The following CACHD1 variants were observed in gnomAD, a reference collection of about 807,000 sequenced individuals.
CACHD1 encodes the protein cache domain containing 1, also known as VWFA and cache domain-containing protein 1.
A neutral mutation model predicts 138.7 loss-of-function variants in CACHD1; 71 were observed. The ratio of observed to expected loss-of-function variants is 0.51; its 90% CI spans 0.42 to 0.62. The LOEUF is 0.62. CACHD1 is among the 20% of genes least tolerant of loss of function. CACHD1 has a pLI of 0.00. For synonymous variants in CACHD1, 578 were observed against 591.5 expected, an observed-to-expected ratio of 0.98 and a Z score of 0.33; for missense variants, 1,389 against 1,625.3, an observed-to-expected ratio of 0.85 and a Z score of 2.50.
intron 3 of CACHD1, among the ~76,000 whole-genome samples, chr1:64,585,724 G>A (rs1647046425): frequency 6.6e-6 from 1 of 152,206 alleles, no homozygotes; most frequent in Non-Finnish European, 1.5e-5. Flanking sequence ...GAGATCTTTT[G>A]CAACAGGAAG....
chr1:64,682,087 A>C lies in CACHD1; in HGVS notation c.3567A>C (p.Ser1189=). ...GAAGGCGCCGCTACTGGGGTCGATC[A>C]GGAACAGAAAGTGATCATGGTAAGG... ...PERRRRYWGR[S]GTESDHGYST... Residue 1189 remains serine, a synonymous_variant, in exon 26 of 27, where the codon TCA becomes TCC. Transcript: ENST00000651257. The C allele has an allele frequency of 6.2e-7, 1 of 1,614,112 alleles. No homozygotes were observed. Among genetic ancestry groups the C allele is most frequent in the East Asian group, 2.2e-5 (1 of 44,862 alleles).
intron 4 of CACHD1, among the ~76,000 whole-genome samples, chr1:64,610,475 G>A (rs998138224): frequency 6.6e-6 from 1 of 152,194 alleles, no homozygotes; most frequent in Non-Finnish European, 1.5e-5. Flanking sequence ...TTACAAATGG[G>A]AGAAATTGGC....
At chr1:64,643,023 G>A (rs974881574) in intron 8 of CACHD1, among the ~76,000 whole-genome samples, 5 of 103,672 alleles carry the variant, frequency 4.8e-5, no homozygotes, top group African/African-American at 1.1e-4. Context: ...TGGTGACAGA[G>A]CAAGACTCTG....
At chr1:64,601,878 G>A (rs191346278) in intron 3 of CACHD1, among the ~76,000 whole-genome samples, 67 of 152,272 alleles carry the variant, frequency 4.4e-4, no homozygotes, top group African/African-American at 1.4e-3. Flanking sequence ...TAGAAACTTT[G>A]AGAGTCCTCT....
At chr1:64,592,214 TATGC>T (rs1647111991) in intron 3 of CACHD1, among the ~76,000 whole-genome samples, 1 of 152,264 alleles carries the variant, frequency 6.6e-6, no homozygotes, top group South Asian at 2.1e-4. Context: ...AGTTTTGTTA[TATGC>T]ATGATGAATT....
At chr1:64,661,128 A>C (rs888181026) in intron 13 of CACHD1, among the ~76,000 whole-genome samples, 3 of 152,098 alleles carry the variant, frequency 2.0e-5, no homozygotes, top group African/African-American at 7.2e-5. Flanking sequence ...AAATACAATA[A>C]AAAGGGAATA....
At chr1:64,622,903 T>G (rs1176474457) in intron 4 of CACHD1, among the ~76,000 whole-genome samples, 3 of 152,128 alleles carry the variant, frequency 2.0e-5, no homozygotes, top group African/African-American at 4.8e-5. Context: ...CATGTGCAGT[T>G]AGTAGATTTG....
At chr1:64,608,573 A>C (rs1647412270) in intron 4 of CACHD1, among the ~76,000 whole-genome samples, 2 of 152,206 alleles carry the variant, frequency 1.3e-5, no homozygotes, top group African/African-American at 4.8e-5. Flanking sequence ...TCGTGTGTCC[A>C]TTCATCCAAC....
At chr1:64,666,215 T>G (rs1188124349) in intron 16 of CACHD1, 48 bp downstream of exon 16, 4 of 1,292,934 alleles carry the variant, frequency 3.1e-6, no homozygotes, top group Non-Finnish European at 4.4e-6. Flanking sequence ...ATATCAAGGA[T>G]ATTTTGGAAA....
At chr1:64,566,326 T>A (rs1025932120) in intron 2 of CACHD1, among the ~76,000 whole-genome samples, 1 of 152,198 alleles carries the variant, frequency 6.6e-6, no homozygotes, top group Admixed American at 6.5e-5. Context: ...CTGCATGAAT[T>A]AATAATCCTC....
intron 1 of CACHD1, among the ~76,000 whole-genome samples, chr1:64,527,801 C>T (rs951945149): frequency 6.6e-5 from 10 of 152,172 alleles, no homozygotes; most frequent in African/African-American, 2.4e-4. Flanking sequence ...ATTGCCAGTA[C>T]TGTGATCTTA....
At chr1:64,672,353 G>C (rs1649843927) in intron 17 of CACHD1, among the ~76,000 whole-genome samples, 1 of 152,088 alleles carries the variant, frequency 6.6e-6, no homozygotes, top group Non-Finnish European at 1.5e-5. Context: ...TTCATTTATT[G>C]TTTCTATCAA....
chr1:64,640,267 G>A (rs1405715902), intron 7 of CACHD1, among the ~76,000 whole-genome samples: 5 of 152,198 alleles, frequency 3.3e-5, no homozygotes, highest in Admixed American at 1.3e-4. Context: ...GCCTGCCGCA[G>A]TCACTTTAGA....
chr1:64,583,118 G>T (rs76018923), intron 3 of CACHD1, among the ~76,000 whole-genome samples: 4,287 of 152,258 alleles, frequency 0.028, 203 homozygotes, highest in African/African-American at 0.099. Flanking sequence ...TTGCGGCTAG[G>T]CAAAGGATGG....
intron 2 of CACHD1, among the ~76,000 whole-genome samples, chr1:64,576,290 TCTGCAGG>T (rs1646966650): frequency 6.6e-6 from 1 of 152,222 alleles, no homozygotes; most frequent in African/African-American, 2.4e-5. Flanking sequence ...TTTTCTTCTG[TCTGCAGG>T]GATCATGGCA....
intron 1 of CACHD1, among the ~76,000 whole-genome samples, chr1:64,472,675 T>TA (rs1318703082): frequency 6.6e-6 from 1 of 152,192 alleles, no homozygotes; most frequent in South Asian, 2.1e-4. Flanking sequence ...AAACTAGGAT[T>TA]AAAAAAACAG....
intron 4 of CACHD1, among the ~76,000 whole-genome samples, chr1:64,625,827 A>T (rs1451073021): frequency 6.6e-6 from 1 of 152,168 alleles, no homozygotes; most frequent in Admixed American, 6.6e-5. Context: ...CTCTATTCTG[A>T]TTTAAACACC....
At position 64,678,159 on chromosome 1, in the gene CACHD1, G is replaced by A. The variant is rs759190690; in HGVS notation, c.3093G>A (p.Gly1031=). ...AGACTAAGTATTGTTTTTCTGGCAG[G>A]GACTGTTTTGGGGTGCTGGATTGTG... The part of the protein sequence containing the change: ...NSRCSQRLES[G]DCFGVLDCEW... The change falls in exon 23 of 27, where the codon GGG becomes GGA. Residue 1031 remains glycine (G), a splice_region_variant and synonymous_variant. Transcript: ENST00000651257. The A allele has an allele frequency of 6.2e-7, 1 of 1,609,156 alleles. No homozygotes were observed. Among genetic ancestry groups the A allele is most frequent in the South Asian group, 1.1e-5 (1 of 89,812 alleles).
At chr1:64,480,679 T>C (rs961330053) in intron 1 of CACHD1, among the ~76,000 whole-genome samples, 2 of 146,638 alleles carry the variant, frequency 1.4e-5, no homozygotes, top group Non-Finnish European at 3.0e-5. Flanking sequence ...TATTTTTTTA[T>C]TTTTTTTTTT....
Sources: gnomAD v4.1 joint callset for allele counts (sites outside exome capture counted in the v4.1 genomes callset) on GRCh38, gnomAD v4.1.1 for gene constraint, MANE v1.5 for transcripts, NCBI Gene and HGNC (gene_info 2026-07-23, HGNC 2026-07-21) for gene names.